Variants in TASOR2 observed in about 807,000 individuals in gnomAD.
TASOR2 encodes transcription activation suppressor family member 2.
In TASOR2, 84 loss-of-function variants were observed where a neutral mutation model predicts 199.5. The observed-to-expected ratio is 0.42, with a 90% confidence interval of 0.35 to 0.50. The LOEUF (loss-of-function observed/expected upper bound fraction) is 0.50. Ranked by LOEUF, TASOR2 falls within the 20% of genes least tolerant of loss-of-function variation. The probability of loss-of-function intolerance (pLI) is 0.02; values close to 1 mark genes in which losing one functional copy is unlikely to be tolerated. For missense variants in TASOR2, 2,796 were observed against 2,835.9 expected (o/e 0.99, Z 0.32); for synonymous variants, 1,103 against 1,046.6 (o/e 1.05, Z -1.04).
Position 5,690,525 on chromosome 10 carries a change from G to T in TASOR2, c.-288+5350G>T, listed in dbSNP as rs1031931492. On this transcript the variant is annotated intron_variant, in intron 1 of 20. Transcript: ENST00000328090. This position sits in a 1 kb window ranked among gnomAD's most constrained non-coding sequence, Gnocchi z 4.8. ...TATTTATCTGTGCCCAGGACATTTT[G>T]CGTGGGCTACGTGTAGAGGTGGTGG... Among the ~76,000 whole-genome samples the T allele has an allele frequency of 6.6e-6, 1 of 152,150 alleles. No individual in the cohort carries two copies. Among genetic ancestry groups the T allele is most frequent in the Non-Finnish European group, 1.5e-5 (1 of 68,028 alleles).
At chr10:5,718,117 T>C (rs1832878608) in intron 3 of TASOR2, among the ~76,000 whole-genome samples, 1 of 152,140 alleles carries the variant, frequency 6.6e-6, no homozygotes, top group African/African-American at 2.4e-5. Flanking sequence ...AAATGGTCAA[T>C]AGAATCTTTA....
At chr10:5,695,020 AGTT>A (rs1367516319) in intron 1 of TASOR2, among the ~76,000 whole-genome samples, 3 of 152,162 alleles carry the variant, frequency 2.0e-5, no homozygotes, top group African/African-American at 7.2e-5. Context: ...ATCAGTCTAT[AGTT>A]GTTGTTTTTT....
At chr10:5,718,902 G>A (rs930163569) in intron 3 of TASOR2, among the ~76,000 whole-genome samples, 5 of 152,036 alleles carry the variant, frequency 3.3e-5, no homozygotes, top group Admixed American at 6.6e-5. Context: ...TAAGCATTTC[G>A]TTTTTTACTT....
At chr10:5,747,213 C>T in exon 15 of TASOR2, 1 of 1,614,110 alleles carries the variant, frequency 6.2e-7, no homozygotes, top group South Asian at 1.1e-5. Context: ...AACAAACAAG[C>T]CTGTCTGTGA....
Position 5,736,369 on chromosome 10 carries a change from G to A in TASOR2, c.1447+823G>A, listed in dbSNP as rs188266394. On this transcript the variant is annotated intron_variant, in intron 12 of 20. Transcript: ENST00000328090. Reference sequence around the variant, plus strand: ...GGGGGCAGAGGTTGTGGTGAGCCGAGATCGCGCCACTGCACTCCAGTCTGG... The same window carrying A: ...GGGGGCAGAGGTTGTGGTGAGCCGAAATCGCGCCACTGCACTCCAGTCTGG... 2.9e-3 allele frequency among the ~76,000 whole-genome samples: 439 copies of A among 151,946 alleles called. 12 individuals carry two copies. The South Asian group carries it at 0.035, about 12-fold the overall frequency.
rs1835758722 is a variant in TASOR2 at position 5,737,321 on chromosome 10, A to T, written c.1447+1775A>T. 6.7e-6 allele frequency among the ~76,000 whole-genome samples: 1 copy of T among 149,870 alleles called. No individual in the cohort carries two copies. Among genetic ancestry groups the T allele is most frequent in the South Asian group, 2.1e-4 (1 of 4,720 alleles). On this transcript the variant is annotated intron_variant, in intron 12 of 20. Transcript: ENST00000328090. This position sits in a 1 kb window ranked among gnomAD's most constrained non-coding sequence, Gnocchi z 4.9. ...TTTTTCAACTTAAGCATACCCTGAGATTCTTTAAGTTTTTTCAGATTGTTT... is the reference window on the plus strand; with the variant it reads ...TTTTTCAACTTAAGCATACCCTGAGTTTCTTTAAGTTTTTTCAGATTGTTT...
chr10:5,689,400 G>C lies in TASOR2; in HGVS notation c.-288+4225G>C, dbSNP rs1836171323. Among the ~76,000 whole-genome samples, 1 of 152,182 alleles carries C rather than the reference G, an allele frequency of 6.6e-6. No individual in the cohort carries two copies. Among genetic ancestry groups the C allele is most frequent in the African/African-American group, 2.4e-5 (1 of 41,458 alleles). ...GCGGATCAAGAGGTCAGGAGTTCAA[G>C]ACCAGCCTGACCAATATGGTGAAAC... On this transcript the variant is annotated intron_variant, in intron 1 of 20. Transcript: ENST00000328090. The surrounding 1 kb of genome is among the most constrained non-coding windows in gnomAD (Gnocchi z 4.1).
chr10:5,725,813 G>A (rs1237600821), intron 8 of TASOR2, among the ~76,000 whole-genome samples: 2 of 152,056 alleles, frequency 1.3e-5, no homozygotes, highest in Admixed American at 6.6e-5. Flanking sequence ...CATAGCTCCT[G>A]TAAGTCAAGG....
At chr10:5,715,720 G>A (rs1832542721) in intron 2 of TASOR2, among the ~76,000 whole-genome samples, 1 of 152,010 alleles carries the variant, frequency 6.6e-6, no homozygotes, top group Non-Finnish European at 1.5e-5. Context: ...TCAGCTCTCT[G>A]CAACCTTCGA....
intron 11 of TASOR2, among the ~76,000 whole-genome samples, chr10:5,731,475 C>T (rs988955666): frequency 1.3e-5 from 2 of 152,330 alleles, no homozygotes; most frequent in Admixed American, 6.5e-5. Flanking sequence ...TTGCAGTGAG[C>T]CGAGATCACG....
At position 5,748,363 on chromosome 10, in the gene TASOR2, CAG is replaced by C; in HGVS notation, c.4943_4944del (p.Gln1648ArgfsTer47). ...CTCGGTTGATGGAGCTTATTCTACA[CAG>C]GGATGCATGTGCTCAGTGGTCCCCA... On this transcript the variant is annotated frameshift_variant, in exon 15 of 21. Coordinates refer to ENST00000328090, the Ensembl canonical transcript of TASOR2. LOFTEE classifies it high-confidence loss of function. This position sits in a 1 kb window ranked among gnomAD's most constrained non-coding sequence, Gnocchi z 5.1. 1 of 1,614,248 alleles carries C rather than the reference CAG, an allele frequency of 6.2e-7. No homozygotes were observed.
chr10:5,746,607 A>G (rs1337515009), exon 15 of TASOR2: 3 of 1,614,210 alleles, frequency 1.9e-6, no homozygotes, highest in Non-Finnish European at 2.5e-6. Flanking sequence ...ATGCACATGT[A>G]CCAATACAGA....
rs1271203989 is a variant in TASOR2, at chr10:5,699,914, T to C, written c.-287-12909T>C. The stretch of plus-strand genomic sequence containing the variant: ...ATTTGTAGAGATCAAGTCAGTGTAG[T>C]TGGGTCATCTGTTACCTTAAATATT... On this transcript the variant is annotated intron_variant, in intron 1 of 20. Coordinates refer to ENST00000328090, the Ensembl canonical transcript of TASOR2. The surrounding 1 kb of genome is among the most constrained non-coding windows in gnomAD (Gnocchi z 4.1). Among the ~76,000 whole-genome samples, 1 of 152,084 alleles carries C rather than the reference T, an allele frequency of 6.6e-6. No individual in the cohort carries two copies. The highest frequency in any genetic ancestry group is 1.5e-5 in the Non-Finnish European group (1 of 67,968).
intron 1 of TASOR2, among the ~76,000 whole-genome samples, chr10:5,702,279 C>G (rs951228978): frequency 6.6e-6 from 1 of 152,068 alleles, no homozygotes; most frequent in African/African-American, 2.4e-5. Context: ...CATGTTGGAC[C>G]ATCCTTGCAT....
Position 5,761,280 on chromosome 10 carries a change from T to A in TASOR2, c.6993-10T>A. ...AAAAATATTTTAATATGCCTATGTA[T>A]CTTTCACAGAGTGGATTCAACTGCA... On this transcript the variant is annotated splice_polypyrimidine_tract_variant and intron_variant, in intron 18 of 20. Transcript: ENST00000328090. 6 of 1,607,568 alleles carry A rather than the reference T, an allele frequency of 3.7e-6. No individual in the cohort carries two copies. Among genetic ancestry groups the A allele is most frequent in the Non-Finnish European group, 5.1e-6 (6 of 1,176,658 alleles).
intron 2 of TASOR2, among the ~76,000 whole-genome samples, chr10:5,714,980 A>T (rs1794002412): frequency 6.6e-6 from 1 of 152,150 alleles, no homozygotes; most frequent in Non-Finnish European, 1.5e-5. Context: ...TGGAAAGAGA[A>T]GATGGCAAAA....
In TASOR2 at chr10:5,710,087, T is replaced by A. The variant is rs1475203399; in HGVS notation, c.-287-2736T>A. ...CATTGCTCAGCAGTTATGAGACCAT[T>A]CATTCATAAAGTGTTTGTATTGTTT... On this transcript the variant is annotated intron_variant, in intron 1 of 20. Transcript: ENST00000328090. The surrounding 1 kb of genome is among the most constrained non-coding windows in gnomAD (Gnocchi z 4.6). Among the ~76,000 whole-genome samples the A allele has an allele frequency of 1.3e-5, 2 of 152,186 alleles. No individual in the cohort carries two copies. The highest frequency in any genetic ancestry group is 4.8e-5 in the African/African-American group (2 of 41,468).
intron 18 of TASOR2, among the ~76,000 whole-genome samples, chr10:5,759,869 C>A (rs973250234): frequency 2.0e-5 from 3 of 152,202 alleles, no homozygotes; most frequent in Non-Finnish European, 2.9e-5. Flanking sequence ...TTCAGCAGGT[C>A]AAGGGTATGA....
chr10:5,759,893 A>G lies in TASOR2; in HGVS notation c.6992+901A>G, dbSNP rs7084012. 1.3e-3 allele frequency among the ~76,000 whole-genome samples: 201 copies of G among 152,344 alleles called. 3 individuals carry two copies. The highest frequency in any genetic ancestry group is 4.5e-3 in the African/African-American group (189 of 41,576). ...TCAAGGGTATGACCATTCACAGCGGACTTCAGTAACCAGCACTTGAGGGGA... is the reference window on the plus strand; with the variant it reads ...TCAAGGGTATGACCATTCACAGCGGGCTTCAGTAACCAGCACTTGAGGGGA... On this transcript the variant is annotated intron_variant, in intron 18 of 20. Coordinates refer to ENST00000328090, the Ensembl canonical transcript of TASOR2.
Sources: allele counts gnomAD v4.1 joint callset (sites outside exome capture counted in the v4.1 genomes callset), GRCh38; gene constraint gnomAD v4.1.1; non-coding constraint Gnocchi (gnomAD v3.1); transcripts MANE v1.5; gene names NCBI Gene and HGNC (gene_info 2026-07-23, HGNC 2026-07-21).